Variants in MAP3K13 observed in about 807,000 individuals in gnomAD.
The protein encoded by MAP3K13 is leucine zipper-bearing kinase.
Under a neutral mutation model 104.0 loss-of-function variants are expected in MAP3K13, and 52 were observed. The observed-to-expected ratio is 0.50, with a 90% CI of 0.40 to 0.63. The LOEUF is 0.63. Among genes scored for constraint, MAP3K13 ranks in the 20% least tolerant of loss-of-function variants. The pLI is 0.00. For synonymous variants in MAP3K13, 394 were observed against 442.2 expected (o/e 0.89, Z 1.37); for missense variants, 914 against 1,218.5 (o/e 0.75, Z 3.72).
intron 7 of MAP3K13, among the ~76,000 whole-genome samples, chr3:185,455,423 GAT>G (rs199840990): frequency 1.2e-4 from 5 of 40,830 alleles, no homozygotes; most frequent in Admixed American, 3.4e-4. Flanking sequence ...AGATATATAT[GAT>G]ATATATGAGA....
intron 4 of MAP3K13, among the ~76,000 whole-genome samples, chr3:185,446,521 G>A (rs1715602763): frequency 6.6e-6 from 1 of 152,142 alleles, no homozygotes; most frequent in Non-Finnish European, 1.5e-5. Context: ...AAGTGAATTC[G>A]ATCTAATGTG....
chr3:185,479,227 G>A (rs963342091), intron 12 of MAP3K13, among the ~76,000 whole-genome samples: 1 of 152,152 alleles, frequency 6.6e-6, no homozygotes, highest in African/African-American at 2.4e-5. Flanking sequence ...GAAAGCACTT[G>A]GGCCTCCAGG....
intron 2 of MAP3K13, among the ~76,000 whole-genome samples, chr3:185,338,327 C>CAAAA (rs72043151): frequency 5.5e-5 from 3 of 54,682 alleles, no homozygotes; most frequent in African/African-American, 1.8e-4. Flanking sequence ...GAGACTCTCT[C>CAAAA]AAAAAAAAAA....
At chr3:185,398,595 T>G (rs7609870) in intron 1 of MAP3K13, among the ~76,000 whole-genome samples, 146,675 of 152,192 alleles carry the variant, frequency 0.96, 70,714 homozygotes, top group East Asian at 1. Flanking sequence ...AAAAAATTAT[T>G]TAGTATGTCA....
At position 185,354,920 on chromosome 3, in the gene MAP3K13, G is replaced by A. The variant is rs904415453; in HGVS notation, c.-86+69277G>A. On this transcript the variant is annotated intron_variant, in intron 2 of 14. Coordinates refer to the MAP3K13 transcript ENST00000424227. ...TAAAGGGGGAGGGTTAACAGGTAAT[G>A]GATAGAATTTAAAAGTATAGTCAGT... Among the ~76,000 whole-genome samples the A allele has an allele frequency of 1.1e-3, 171 of 152,216 alleles. 3 individuals are homozygous for A. Among genetic ancestry groups the A allele is most frequent in the Admixed American group, 0.011 (166 of 15,276 alleles).
chr3:185,351,667 A>C (rs1434437082), intron 2 of MAP3K13, among the ~76,000 whole-genome samples: 1 of 152,224 alleles, frequency 6.6e-6, no homozygotes, highest in Non-Finnish European at 1.5e-5. Context: ...TGGTTCTCTG[A>C]GTAACTAATT....
At chr3:185,374,719 G>T (rs1329514649) in intron 1 of MAP3K13, among the ~76,000 whole-genome samples, 1 of 151,698 alleles carries the variant, frequency 6.6e-6, no homozygotes, top group Admixed American at 6.6e-5. Context: ...GATTGATTTA[G>T]GTAAAAACAG....
At chr3:185,334,610 T>A (rs1004734922) in intron 2 of MAP3K13, among the ~76,000 whole-genome samples, 9 of 151,874 alleles carry the variant, frequency 5.9e-5, no homozygotes, top group African/African-American at 2.2e-4. Context: ...TTTCTTTTTT[T>A]TTTTTTCTTT....
At chr3:185,293,989 G>A (rs1720833955) in intron 2 of MAP3K13, among the ~76,000 whole-genome samples, 1 of 152,116 alleles carries the variant, frequency 6.6e-6, no homozygotes, top group Admixed American at 6.5e-5. Flanking sequence ...CAGAAGGATT[G>A]TGTCAAATAT....
intron 1 of MAP3K13, among the ~76,000 whole-genome samples, chr3:185,374,634 G>A (rs946630710): frequency 2.6e-5 from 4 of 152,128 alleles, no homozygotes; most frequent in South Asian, 2.1e-4. Context: ...CGGGGTTAGC[G>A]TAATTACTTA....
chr3:185,329,788 G>T (rs1402681809), intron 2 of MAP3K13, among the ~76,000 whole-genome samples: 1 of 151,952 alleles, frequency 6.6e-6, no homozygotes, highest in African/African-American at 2.4e-5. Context: ...TGTTGGAAAG[G>T]TTGGTATTTT....
intron 2 of MAP3K13, chr3:185,328,989 A>G (rs1374964281): frequency 2.1e-6 from 1 of 480,446 alleles, no homozygotes; most frequent in Non-Finnish European, 3.7e-6. Context: ...AAAAAAAACT[A>G]TTATGACATT....
Position 185,454,388 on chromosome 3 carries a change from GATATATATGAGAT to G in MAP3K13, c.1278+3011_1278+3023del, listed in dbSNP as rs1443416396. The stretch of plus-strand genomic sequence containing the variant: ...TGAGATATATATATGAGATATATGA[GATATATATGAGAT>G]ATATATATGAGATATATGAGATATA... On this transcript the variant is annotated intron_variant, in intron 7 of 13. Coordinates refer to ENST00000265026, the MANE Select transcript of MAP3K13 (RefSeq NM_004721.5). Among the ~76,000 whole-genome samples the G allele has an allele frequency of 1.6e-4, 2 of 12,176 alleles. 1 individual carries two copies. The highest frequency in any genetic ancestry group is 8.6e-4 in the Non-Finnish European group (2 of 2,334). The allele number at this position is 12,176 out of a possible 152,430, so 8.0% of individuals were successfully genotyped here.
In MAP3K13 at chr3:185,455,866, AGATATAGATGAGATATAT is replaced by A. The variant is rs1284606680; in HGVS notation, c.1278+4490_1278+4507del. ...ATGAGATATATATGAGATATATATG[AGATATAGATGAGATATAT>A]GATATAGATGAGATATATATGATAT... is the stretch of plus-strand genomic sequence containing the variant. On this transcript the variant is annotated intron_variant, in intron 7 of 13. Transcript: ENST00000265026. Among the ~76,000 whole-genome samples the A allele has an allele frequency of 2.0e-3, 115 of 58,780 alleles. 1 individual carries two copies. In the South Asian group the frequency reaches 0.038, roughly 19 times the overall value. 38.6% of individuals were successfully genotyped at this position (58,780 alleles called of 152,430 possible).
chr3:185,473,457 G>T lies in MAP3K13; in HGVS notation c.2126G>T (p.Arg709Ile). 6.2e-7 allele frequency: 1 copy of T among 1,614,212 alleles called. No homozygotes were observed. Among genetic ancestry groups the T allele is most frequent in the Non-Finnish European group, 8.5e-7 (1 of 1,180,040 alleles). ...ISTAMAADCW[R>I]SSEPDKGQAG... ...ACAGCCATGGCTGCAGACTGCTGGA[G>T]AAGTTCTGAGCCTGACAAGGGCCAA... The change falls in exon 11 of 14, where the codon AGA becomes ATA. Residue 709 changes from arginine (R) to isoleucine (I), a missense_variant. Physicochemically the swap from Arg to Ile is moderately conservative, Grantham distance 97 (BLOSUM62 -3). This residue lies in a region of MAP3K13 where 583 missense variants were observed against 737.4 expected (regional missense o/e 0.79). Transcript: ENST00000265026. The surrounding 1 kb of genome is among the most constrained non-coding windows in gnomAD (Gnocchi z 4.9).
At chr3:185,391,246 C>T (rs1278922044) in intron 1 of MAP3K13, among the ~76,000 whole-genome samples, 1 of 152,148 alleles carries the variant, frequency 6.6e-6, no homozygotes, top group Non-Finnish European at 1.5e-5. Context: ...CCCCACACAC[C>T]CTGGCAACCA....
chr3:185,353,474 T>C lies in MAP3K13; in HGVS notation c.-86+67831T>C, dbSNP rs1577455090. 2.0e-5 allele frequency among the ~76,000 whole-genome samples: 3 copies of C among 152,236 alleles called. No individual in the cohort carries two copies. The South Asian group carries it at 6.2e-4, about 31-fold the overall frequency. On this transcript the variant is annotated intron_variant, in intron 2 of 14. Transcript: ENST00000424227. ...ATTGGCCAAAACCCAGTGATTGGCA[T>C]AGGTGTGGGCTACGGTCGGTTTACA...
chr3:185,381,147 G>A (rs1359663369), intron 1 of MAP3K13, among the ~76,000 whole-genome samples: 1 of 151,930 alleles, frequency 6.6e-6, no homozygotes, highest in African/African-American at 2.4e-5. Context: ...ATTTTTAGTA[G>A]AGACAGAGTT....
At position 185,454,326 on chromosome 3, in the gene MAP3K13, GAT is replaced by G. The variant is rs544682932; in HGVS notation, c.1278+2938_1278+2939del. Among the ~76,000 whole-genome samples the G allele has an allele frequency of 2.2e-3, 19 of 8,484 alleles. 5 individuals carry two copies. Among genetic ancestry groups the G allele is most frequent in the African/African-American group, 3.7e-3 (19 of 5,204 alleles). 5.6% of individuals were successfully genotyped at this position (8,484 alleles called of 152,430 possible). A position where few individuals can be genotyped will look rare whatever the true frequency, so the allele number is the denominator to read the frequency against. On this transcript the variant is annotated intron_variant, in intron 7 of 13. Transcript: ENST00000265026. ...TCATATATATATGAGATATATATGA[GAT>G]ATATATGATATATATGAGATATATG...
Sources: gnomAD v4.1 joint callset for allele counts (sites outside exome capture counted in the v4.1 genomes callset) on GRCh38, gnomAD v4.1.1 for gene constraint, gnomAD v4.1.1 regional missense constraint, Gnocchi (gnomAD v3.1) non-coding constraint, MANE v1.5 for transcripts, NCBI Gene and HGNC (gene_info 2026-07-23, HGNC 2026-07-21) for gene names.